Variants in MIS18BP1 observed in about 807,000 individuals in gnomAD.
The protein encoded by MIS18BP1 is mis18-binding protein 1.
MIS18BP1 carries 72 observed loss-of-function variants against 116.1 expected under a neutral mutation model. That is an observed-to-expected ratio of 0.62 (90% CI 0.51 to 0.75). The LOEUF is 0.75. Ranked by LOEUF, MIS18BP1 falls within the 30% of genes least tolerant of loss-of-function variation. MIS18BP1 has a pLI of 0.00. For synonymous variants in MIS18BP1, 386 were observed against 427.0 expected (o/e 0.90, Z 1.18); for missense variants, 1,363 against 1,303.2 (o/e 1.05, Z -0.71).
At chr14:45,223,841 C>A in intron 11 of MIS18BP1, 77 bp downstream of exon 11, 2 of 1,061,450 alleles carry the variant, frequency 1.9e-6, no homozygotes, top group Non-Finnish European at 2.7e-6. Context: ...CATGTTAACC[C>A]CTTATTGCTA....
At chr14:45,221,385 A>C (rs552573850) in intron 11 of MIS18BP1, among the ~76,000 whole-genome samples, 51 of 152,172 alleles carry the variant, frequency 3.4e-4, no homozygotes, top group African/African-American at 1.1e-3. Context: ...TGCAGTGAGC[A>C]GAGATCGCGC....
At position 45,242,602 on chromosome 14, in the gene MIS18BP1, C is replaced by T. The variant is rs1466844958; in HGVS notation, c.659-84G>A. 3 of 1,489,218 alleles carry T rather than the reference C, an allele frequency of 2.0e-6. No homozygotes were observed. The East Asian group carries it at 6.9e-5, about 34-fold the overall frequency. The allele number at this position is 1,489,218 out of a possible 1,614,324, so 92.3% of individuals were successfully genotyped here. A position where few individuals can be genotyped will look rare whatever the true frequency, so the allele number is the denominator to read the frequency against. On this transcript the variant is annotated intron_variant, in intron 3 of 16. Transcript: ENST00000310806. ...AAAAGAGATAAATTTAGGTTAGGAA[C>T]GTTCCACCCTCCTGCCCAGTCTTTC...
intron 11 of MIS18BP1, among the ~76,000 whole-genome samples, chr14:45,221,082 C>A (rs964952715): frequency 6.6e-6 from 1 of 151,912 alleles, no homozygotes. Context: ...TTGCAGTGAG[C>A]TGAGATCGTA....
At chr14:45,214,908 T>G (rs1890774120) in intron 13 of MIS18BP1, among the ~76,000 whole-genome samples, 1 of 152,080 alleles carries the variant, frequency 6.6e-6, no homozygotes, top group Non-Finnish European at 1.5e-5. Flanking sequence ...CCCACCACCA[T>G]GCCAGCTAAT....
intron 8 of MIS18BP1, among the ~76,000 whole-genome samples, chr14:45,230,235 G>C (rs1481283722): frequency 6.6e-6 from 1 of 152,212 alleles, no homozygotes; most frequent in East Asian, 1.9e-4. Context: ...AGAAAGAGCT[G>C]TAAGTTAATG....
At chr14:45,250,958 A>G (rs996037913) in intron 1 of MIS18BP1, among the ~76,000 whole-genome samples, 2 of 149,232 alleles carry the variant, frequency 1.3e-5, no homozygotes. Context: ...AATGGAGTGA[A>G]CCCGGGAGGC....
intron 13 of MIS18BP1, among the ~76,000 whole-genome samples, chr14:45,212,904 C>G (rs1398776703): frequency 2.0e-5 from 3 of 152,198 alleles, no homozygotes; most frequent in African/African-American, 7.2e-5. Context: ...TTAAACCATG[C>G]TTCAAGTCAC....
In MIS18BP1 at chr14:45,226,818, CT is replaced by C; in HGVS notation, c.1764del (p.Glu589AsnfsTer9). The C allele has an allele frequency of 3.6e-6, 5 of 1,392,444 alleles. No individual in the cohort carries two copies. Among genetic ancestry groups the C allele is most frequent in the African/African-American group, 3.0e-5 (2 of 67,448 alleles). 86.3% of individuals were successfully genotyped at this position (1,392,444 alleles called of 1,614,324 possible). On this transcript the variant is annotated frameshift_variant, in exon 10 of 17. Transcript: ENST00000310806. LOFTEE classifies it high-confidence loss of function. ...AGTTTCTTTGAAGACATTTTATATT[CT>C]TTTTTTCCAATTAATTCCTTCAAAA... ...DLSNQELIGK[K>X]EYKMSSKKLK...
At chr14:45,252,985 C>G (rs1241330410) in intron 1 of MIS18BP1, 50 bp downstream of exon 1, 5 of 152,290 alleles carry the variant, frequency 3.3e-5, no homozygotes, top group Non-Finnish European at 7.3e-5. Flanking sequence ...CGCCCACCAT[C>G]TGCGGGGACC....
At chr14:45,219,479 AAG>A (rs1406029877) in intron 11 of MIS18BP1, among the ~76,000 whole-genome samples, 1 of 151,846 alleles carries the variant, frequency 6.6e-6, no homozygotes, top group Non-Finnish European at 1.5e-5. Flanking sequence ...CACAGAGGTG[AAG>A]AGTCTCAAGA....
Position 45,247,155 on chromosome 14 carries a change from A to C in MIS18BP1, c.132T>G (p.Asp44Glu). ...AGGAGGAGTTCTGATATTTCACCAAATCTTTTACAGGAGTAAGTGTGCCTG... is the reference window on the plus strand; with the variant it reads ...AGGAGGAGTTCTGATATTTCACCAACTCTTTTACAGGAGTAAGTGTGCCTG... ...IPSGTLTPVK[D>E]LVKYQNSSLK... is the part of the protein sequence containing the mutation. Residue 44 changes from aspartate (D) to glutamate (E), a missense_variant, in exon 2 of 17, where the codon GAT (aspartate) becomes GAG (glutamate). Physicochemically the swap from Asp to Glu is conservative, Grantham distance 45 (BLOSUM62 2). Transcript: ENST00000310806. The C allele has an allele frequency of 6.2e-7, 1 of 1,613,048 alleles. No homozygotes were observed. The highest frequency in any genetic ancestry group is 8.5e-7 in the Non-Finnish European group (1 of 1,179,974).
Position 45,247,012 on chromosome 14 carries a change from A to G in MIS18BP1, c.275T>C (p.Ile92Thr), listed in dbSNP as rs766851512. The G allele has an allele frequency of 3.7e-6, 6 of 1,613,470 alleles. No homozygotes were observed. The highest frequency in any genetic ancestry group is 5.1e-6 in the Non-Finnish European group (6 of 1,179,912). The change falls in exon 2 of 17, where the codon ATC (isoleucine) becomes ACC (threonine). Residue 92 changes from isoleucine (I) to threonine (T), a missense_variant. Physicochemically the swap from Ile to Thr is moderately conservative, Grantham distance 89. Coordinates refer to ENST00000310806, the MANE Select transcript of MIS18BP1 (RefSeq NM_018353.5). ...EATTSNSSLD[I>T]SAIKPNKDGL... ...ATCCTTGTTGGGCTTTATAGCACTG[A>G]TATCAAGAGAACTGTTAGAGGTAGT...
intron 11 of MIS18BP1, among the ~76,000 whole-genome samples, chr14:45,220,510 CTGA>C (rs1180708865): frequency 1.3e-5 from 2 of 152,154 alleles, no homozygotes; most frequent in African/African-American, 4.8e-5. Flanking sequence ...TACCATCCTT[CTGA>C]TGGAGTTCTC....
chr14:45,244,949 A>AT lies in MIS18BP1; in HGVS notation c.544+1793dup, dbSNP rs565081091. Among the ~76,000 whole-genome samples, 224 of 152,058 alleles carry AT rather than the reference A, an allele frequency of 1.5e-3. 1 individual carries two copies. Among genetic ancestry groups the AT allele is most frequent in the African/African-American group, 5.2e-3 (217 of 41,452 alleles). On this transcript the variant is annotated intron_variant, in intron 2 of 16. Transcript: ENST00000310806. ...GAAGGGCATCATACTAGCAACTTCA[A>AT]TTTTTTTTCTTCCTACTCCATTATT...
chr14:45,242,919 G>A (rs767575463), intron 2 of MIS18BP1, 45 bp from the exon 3 acceptor site: 41 of 1,300,614 alleles, frequency 3.2e-5, no homozygotes, highest in Non-Finnish European at 4.4e-5. Flanking sequence ...AATTGTATTA[G>A]TCACTAAGAA....
Position 45,247,292 on chromosome 14 carries a change from C to T in MIS18BP1, c.-6G>A. On this transcript the variant is annotated 5_prime_UTR_variant, in exon 2 of 17. Transcript: ENST00000310806. ...TTCAAAGGTGTTGCAATCATCTTGACAAGAAAGTAGCAACCAAGTTCTTCT... is the reference window on the plus strand; with the variant it reads ...TTCAAAGGTGTTGCAATCATCTTGATAAGAAAGTAGCAACCAAGTTCTTCT... The T allele has an allele frequency of 6.5e-7, 1 of 1,527,484 alleles. No homozygotes were observed. Among genetic ancestry groups the T allele is most frequent in the Non-Finnish European group, 8.7e-7 (1 of 1,143,698 alleles). 94.6% of individuals were successfully genotyped at this position (1,527,484 alleles called of 1,614,324 possible).
In MIS18BP1 at chr14:45,242,486, A is replaced by C. The variant is rs376125583; in HGVS notation, c.691T>G (p.Phe231Val). The part of the protein sequence containing the change: ...LPTLNQEQEN[F>V]LAVEARNKTL... ...TTGTTTCGGGCTTCTACAGCCAAAA[A>C]ATTTTCCTGTTCTTGGTTCAGAGTT... Residue 231 changes from phenylalanine (F) to valine (V), a missense_variant, in exon 4 of 17, where the codon TTT (phenylalanine) becomes GTT (valine). Physicochemically the swap from Phe to Val is conservative, Grantham distance 50. Transcript: ENST00000310806. The C allele has an allele frequency of 1.3e-6, 2 of 1,595,772 alleles. No individual in the cohort carries two copies. Among genetic ancestry groups the C allele is most frequent in the East Asian group, 2.2e-5 (1 of 44,796 alleles).
chr14:45,206,558 T>C (rs1445875559), intron 14 of MIS18BP1: 2 of 159,876 alleles, frequency 1.3e-5, no homozygotes, highest in African/African-American at 4.8e-5. Context: ...CCCAAAGTGT[T>C]GGGATGACAG....
chr14:45,246,419 T>C (rs1009239746), intron 2 of MIS18BP1, among the ~76,000 whole-genome samples: 1 of 152,178 alleles, frequency 6.6e-6, no homozygotes, highest in African/African-American at 2.4e-5. Context: ...ATCTGTCATC[T>C]CATTCAATTT....
Sources: gnomAD v4.1 joint callset for allele counts (sites outside exome capture counted in the v4.1 genomes callset) on GRCh38, gnomAD v4.1.1 for gene constraint, MANE v1.5 for transcripts, NCBI Gene and HGNC (gene_info 2026-07-23, HGNC 2026-07-21) for gene names.